The following TNFRSF10D variants were observed in gnomAD, a reference collection of about 807,000 sequenced individuals.
TNFRSF10D encodes TNF receptor superfamily member 10d, also known as tumor necrosis factor receptor superfamily member 10D.
Under a neutral mutation model 42.1 loss-of-function variants are expected in TNFRSF10D, and 28 were observed. That is an observed-to-expected ratio of 0.66 (90% CI 0.49 to 0.91). The LOEUF (loss-of-function observed/expected upper bound fraction) is 0.91. Among genes scored for constraint, TNFRSF10D ranks in the 40% least tolerant of loss-of-function variants. TNFRSF10D has a pLI of 0.00. For synonymous variants in TNFRSF10D, 186 were observed against 189.4 expected, an observed-to-expected ratio of 0.98 and a Z score of 0.15; for missense variants, 503 against 486.1, an observed-to-expected ratio of 1.03 and a Z score of -0.33.
chr8:23,148,095 C>T (rs1800150058), intron 3 of TNFRSF10D, among the ~76,000 whole-genome samples: 1 of 132,740 alleles, frequency 7.5e-6, no homozygotes, highest in South Asian at 2.5e-4. Flanking sequence ...AAAAAATTAG[C>T]TGGGTGTGGT....
In TNFRSF10D at chr8:23,148,961, C is replaced by T. The variant is rs185897854; in HGVS notation, c.257-410G>A. Among the ~76,000 whole-genome samples, 318 of 151,256 alleles carry T rather than the reference C, an allele frequency of 2.1e-3. 8 individuals are homozygous for T. The East Asian group carries it at 0.049, about 23-fold the overall frequency. On this transcript the variant is annotated intron_variant, in intron 2 of 8. Transcript: ENST00000312584. Reference sequence around the variant, plus strand: ...ATCCCAGTACTTAGGGAGGCCAAGGCGGACGAATCACGAGGTCAGGAGATC... The same window carrying T: ...ATCCCAGTACTTAGGGAGGCCAAGGTGGACGAATCACGAGGTCAGGAGATC...
intron 1 of TNFRSF10D, among the ~76,000 whole-genome samples, chr8:23,162,600 CTTATTT>C (rs1800386776): frequency 6.6e-6 from 1 of 152,026 alleles, no homozygotes; most frequent in Non-Finnish European, 1.5e-5. Context: ...GTCTGCACAT[CTTATTT>C]TTATGTCCTT....
rs565923534 is a variant in TNFRSF10D, at chr8:23,144,286, C to G, written c.954+164G>C. 5.6e-3 allele frequency among the ~76,000 whole-genome samples: 859 copies of G among 152,246 alleles called. 2 individuals carry two copies. Among genetic ancestry groups the G allele is most frequent in the African/African-American group, 0.017 (715 of 41,514 alleles). On this transcript the variant is annotated intron_variant, in intron 7 of 8. Transcript: ENST00000312584. Reference sequence around the variant, plus strand: ...GAAGCAGATGTCCTGCAGACTGGCACGGTCACCACCTCAGTGCAGCTGCTC... The same window carrying G: ...GAAGCAGATGTCCTGCAGACTGGCAGGGTCACCACCTCAGTGCAGCTGCTC...
chr8:23,150,171 T>A (rs750086655), intron 2 of TNFRSF10D, among the ~76,000 whole-genome samples: 926 of 152,240 alleles, frequency 6.1e-3, no homozygotes, highest in African/African-American at 0.019. Flanking sequence ...TCTGTCCTAG[T>A]GCCAGGTCAG....
chr8:23,141,194 C>T (rs895212492), intron 7 of TNFRSF10D, among the ~76,000 whole-genome samples: 11 of 152,060 alleles, frequency 7.2e-5, no homozygotes, highest in African/African-American at 2.7e-4. Context: ...AACTAAAGAC[C>T]TTCTGCACAG....
At chr8:23,146,177 T>C (rs1387087357) in intron 4 of TNFRSF10D, among the ~76,000 whole-genome samples, 1 of 152,214 alleles carries the variant, frequency 6.6e-6, no homozygotes, top group Non-Finnish European at 1.5e-5. Context: ...GGGCACACAC[T>C]GAGCTTCCCT....
At chr8:23,147,738 C>A (rs1277272575) in intron 3 of TNFRSF10D, among the ~76,000 whole-genome samples, 1 of 151,984 alleles carries the variant, frequency 6.6e-6, no homozygotes, top group Non-Finnish European at 1.5e-5. Flanking sequence ...ACCAGCCTGG[C>A]CAACATGGAG....
In TNFRSF10D at chr8:23,144,459, C is replaced by T; in HGVS notation, c.945G>A (p.Gln315=). Residue 315 remains glutamine, a synonymous_variant, in exon 7 of 9, where the codon CAG becomes CAA. Transcript: ENST00000312584. ...TCCCTCCTCAACTCACCAGCAGACG[C>T]TGTGGCTCCTCTGGCAACTCTACAG... The part of the protein sequence containing the change: ...GVTVELPEEP[Q]RLLEQAEAEG... 1.2e-6 allele frequency: 2 copies of T among 1,613,952 alleles called. No individual in the cohort carries two copies. The highest frequency in any genetic ancestry group is 1.7e-6 in the Non-Finnish European group (2 of 1,179,854).
At chr8:23,161,422 G>A (rs1563364366) in intron 1 of TNFRSF10D, among the ~76,000 whole-genome samples, 1 of 150,424 alleles carries the variant, frequency 6.6e-6, no homozygotes, top group East Asian at 1.9e-4. Flanking sequence ...GCCAGGACCT[G>A]GGGTCAGGAA....
At chr8:23,155,883 A>G (rs1035078931) in intron 1 of TNFRSF10D, among the ~76,000 whole-genome samples, 3 of 152,070 alleles carry the variant, frequency 2.0e-5, no homozygotes, top group Admixed American at 6.6e-5. Context: ...TTTACAAATG[A>G]GGGTTACAAT....
intron 1 of TNFRSF10D, among the ~76,000 whole-genome samples, chr8:23,163,044 C>A (rs995137287): frequency 6.6e-6 from 1 of 150,738 alleles, no homozygotes; most frequent in Non-Finnish European, 1.5e-5. Flanking sequence ...GCCTCAGCCT[C>A]CTGAGTAGCT....
At chr8:23,158,577 A>G (rs182232453) in intron 1 of TNFRSF10D, among the ~76,000 whole-genome samples, 6 of 152,314 alleles carry the variant, frequency 3.9e-5, no homozygotes, top group African/African-American at 1.2e-4. Context: ...ATTGTTAGTC[A>G]AAATAGACCT....
rs7814047 is a variant in TNFRSF10D, at chr8:23,139,432, T to G, written c.955-1172A>C. On this transcript the variant is annotated intron_variant, in intron 7 of 8. Coordinates refer to ENST00000312584, the MANE Select transcript of TNFRSF10D (RefSeq NM_003840.5). ...TGGAGGAAATCTTTTAATTCTAAAT[T>G]TTATCTGGGTAAAATAATACATTTT... Among the ~76,000 whole-genome samples the G allele has an allele frequency of 8.9e-3, 1,360 of 152,324 alleles. 22 individuals are homozygous for G. Among genetic ancestry groups the G allele is most frequent in the African/African-American group, 0.031 (1,290 of 41,560 alleles).
At chr8:23,138,778 A>G (rs908484828) in intron 7 of TNFRSF10D, among the ~76,000 whole-genome samples, 4 of 152,258 alleles carry the variant, frequency 2.6e-5, no homozygotes, top group Non-Finnish European at 5.9e-5. Context: ...GGCTGGAAAG[A>G]CATTTGGTAA....
chr8:23,144,347 T>G, intron 7 of TNFRSF10D, 103 bp downstream of exon 7: 1 of 1,360,368 alleles, frequency 7.4e-7, no homozygotes, highest in Non-Finnish European at 1.0e-6. Context: ...AAAGGCTCCA[T>G]GTCCCCTTGG....
Position 23,137,864 on chromosome 8 carries a change from A to AT in TNFRSF10D, c.*5dup. ...AGGGAAGCTCTGGTTTCCTGAAGAG[A>AT]TTCTTTCACAGGCAGGACGTAGCAG... On this transcript the variant is annotated 3_prime_UTR_variant, in exon 9 of 9. Transcript: ENST00000312584. 1 of 1,607,654 alleles carries AT rather than the reference A, an allele frequency of 6.2e-7. No homozygotes were observed. The highest frequency in any genetic ancestry group is 8.5e-7 in the Non-Finnish European group (1 of 1,178,074).
At position 23,137,845 on chromosome 8, in the gene TNFRSF10D, G is replaced by A. The variant is rs753125786; in HGVS notation, c.*25C>T. 1.2e-6 allele frequency: 2 copies of A among 1,603,040 alleles called. No homozygotes were observed. The highest frequency in any genetic ancestry group is 1.1e-5 in the South Asian group (1 of 89,496). ...GTAGGAGAAAAGGTAAATGAGGGAA[G>A]CTCTGGTTTCCTGAAGAGATTCTTT... On this transcript the variant is annotated 3_prime_UTR_variant, in exon 9 of 9. Coordinates refer to ENST00000312584, the MANE Select transcript of TNFRSF10D (RefSeq NM_003840.5).
chr8:23,158,785 GT>G (rs953058643), intron 1 of TNFRSF10D, among the ~76,000 whole-genome samples: 4 of 152,076 alleles, frequency 2.6e-5, no homozygotes, highest in African/African-American at 4.8e-5. Context: ...TCTATTGAAG[GT>G]TTTTTTAAAA....
rs1800105549 is a variant in TNFRSF10D at position 23,145,517 on chromosome 8, C to CA, written c.736+150_736+151insT. ...CCAGGGTCCTTGGGGATACACAGGA[C>CA]GTGGGGATGGGGCGATCACAAGAAG... On this transcript the variant is annotated intron_variant, in intron 5 of 8. Transcript: ENST00000312584. 2.5e-6 allele frequency: 3 copies of CA among 1,191,036 alleles called. No individual in the cohort carries two copies. In the African/African-American group the frequency reaches 4.5e-5, roughly 18 times the overall value. 73.8% of individuals were successfully genotyped at this position (1,191,036 alleles called of 1,614,324 possible). A position where few individuals can be genotyped will look rare whatever the true frequency, so the allele number is the denominator to read the frequency against.
Sources: allele counts gnomAD v4.1 joint callset (sites outside exome capture counted in the v4.1 genomes callset), GRCh38; gene constraint gnomAD v4.1.1; transcripts MANE v1.5; gene names NCBI Gene and HGNC (gene_info 2026-07-23, HGNC 2026-07-21).